LPCAT2: variants seen among roughly 807,000 people sequenced by gnomAD.
The protein encoded by LPCAT2 is lysophosphatidylcholine acyltransferase 2, also known as 1-AGP acyltransferase 11.
In LPCAT2, 58 loss-of-function variants were observed where a neutral mutation model predicts 64.7. The ratio of observed to expected loss-of-function variants is 0.90; its 90% confidence interval spans 0.73 to 1.12. The LOEUF (loss-of-function observed/expected upper bound fraction) is 1.12. Ranked by LOEUF, LPCAT2 falls within the 50% of genes most tolerant of loss-of-function variation. LPCAT2 has a pLI of 0.00. For synonymous variants in LPCAT2, 252 were observed against 245.3 expected, an observed-to-expected ratio of 1.03 and a Z score of -0.26; for missense variants, 579 against 669.8, an observed-to-expected ratio of 0.86 and a Z score of 1.50.
chr16:55,525,656 T>C lies in LPCAT2; in HGVS notation c.311+9T>C, dbSNP rs754670814. On this transcript the variant is annotated intron_variant, in intron 2 of 13. Coordinates refer to ENST00000262134, the MANE Select transcript of LPCAT2 (RefSeq NM_017839.5). ...ATAACTGGTTGGAGGAGGTAAGAAA[T>C]AATTTTGTCCAAAATATTAGGACAT... is the stretch of plus-strand genomic sequence containing the variant. 6.3e-7 allele frequency: 1 copy of C among 1,591,684 alleles called. No individual in the cohort carries two copies. Among genetic ancestry groups the C allele is most frequent in the South Asian group, 1.2e-5 (1 of 86,570 alleles).
intron 1 of LPCAT2, among the ~76,000 whole-genome samples, chr16:55,523,066 GT>G (rs1203344329): frequency 6.6e-6 from 1 of 151,622 alleles, no homozygotes; most frequent in Admixed American, 6.6e-5. Flanking sequence ...CAAAGGGCTT[GT>G]ATACATTTAT....
intron 13 of LPCAT2, 89 bp from the exon 14 acceptor site, chr16:55,582,825 A>G (rs1963901389): frequency 1.2e-6 from 1 of 810,188 alleles, no homozygotes; most frequent in Non-Finnish European, 2.0e-6. Context: ...ATTTTGTAAT[A>G]ATTGCATTAT....
intron 11 of LPCAT2, chr16:55,556,916 A>G (rs574728825): frequency 1.3e-5 from 2 of 152,368 alleles, no homozygotes; most frequent in African/African-American, 4.8e-5. Flanking sequence ...CTGATTGACT[A>G]ACTCATACTA....
Position 55,509,235 on chromosome 16 carries a change from C to A in LPCAT2, c.54C>A (p.Gly18=). ...AEVAATVPGA[G]VGNVGLRPPM... The stretch of plus-strand genomic sequence containing the variant: ...TGGCGGCCACAGTGCCAGGTGCCGG[C>A]GTCGGGAACGTGGGGCTGCGGCCGC... The change falls in exon 1 of 14, where the codon GGC becomes GGA. Residue 18 remains glycine, a synonymous_variant. Coordinates refer to ENST00000262134, the MANE Select transcript of LPCAT2 (RefSeq NM_017839.5). 6.8e-7 allele frequency: 1 copy of A among 1,470,854 alleles called. No homozygotes were observed. Among genetic ancestry groups the A allele is most frequent in the South Asian group, 1.3e-5 (1 of 74,770 alleles). The allele number at this position is 1,470,854 out of a possible 1,614,324, so 91.1% of individuals were successfully genotyped here.
At chr16:55,561,592 C>T (rs184618139) in intron 11 of LPCAT2, among the ~76,000 whole-genome samples, 1 of 151,290 alleles carries the variant, frequency 6.6e-6, no homozygotes, top group South Asian at 2.1e-4. Flanking sequence ...TGGATTTAAA[C>T]CACAGCAAAA....
chr16:55,518,061 A>G (rs1963038489), intron 1 of LPCAT2, among the ~76,000 whole-genome samples: 1 of 152,188 alleles, frequency 6.6e-6, no homozygotes, highest in Non-Finnish European at 1.5e-5. Flanking sequence ...AGGAATGCAC[A>G]AAAACACTTG....
chr16:55,533,689 A>G (rs1963286716), intron 6 of LPCAT2, among the ~76,000 whole-genome samples: 1 of 152,158 alleles, frequency 6.6e-6, no homozygotes, highest in Non-Finnish European at 1.5e-5. Context: ...CTGGGATTAC[A>G]GGCATGAGCC....
chr16:55,578,938 A>G, intron 12 of LPCAT2, 171 bp from the exon 13 acceptor site: 1 of 642,860 alleles, frequency 1.6e-6, no homozygotes, highest in Non-Finnish European at 2.7e-6. Flanking sequence ...GTCTCTCTCA[A>G]ACACCAAGCT....
intron 11 of LPCAT2, among the ~76,000 whole-genome samples, chr16:55,561,880 T>C (rs1963640325): frequency 6.6e-6 from 1 of 151,998 alleles, no homozygotes; most frequent in Admixed American, 6.6e-5. Context: ...AATCAGTTGT[T>C]GGAAAGTTTT....
At chr16:55,527,686 C>T (rs937716537) in intron 2 of LPCAT2, among the ~76,000 whole-genome samples, 7 of 152,062 alleles carry the variant, frequency 4.6e-5, no homozygotes, top group Non-Finnish European at 7.4e-5. Flanking sequence ...GATAAATTAA[C>T]TAATCTATAA....
chr16:55,532,344 A>G (rs1191983160), intron 5 of LPCAT2: 4 of 172,428 alleles, frequency 2.3e-5, no homozygotes, highest in Admixed American at 1.2e-4. Flanking sequence ...AAGTCAGTGA[A>G]TGCAGCTTTC....
intron 1 of LPCAT2, among the ~76,000 whole-genome samples, chr16:55,519,888 A>C (rs904978201): frequency 3.9e-5 from 6 of 152,312 alleles, no homozygotes; most frequent in Non-Finnish European, 8.8e-5. Flanking sequence ...GCTGACTAAA[A>C]GTACAAGAAG....
At chr16:55,580,113 C>T (rs1015847499) in intron 13 of LPCAT2, among the ~76,000 whole-genome samples, 2 of 152,166 alleles carry the variant, frequency 1.3e-5, no homozygotes. Context: ...TCTTTAATTA[C>T]TCTTTCCTTA....
intron 9 of LPCAT2, among the ~76,000 whole-genome samples, chr16:55,548,830 A>G (rs1244564876): frequency 6.6e-6 from 1 of 152,114 alleles, no homozygotes; most frequent in Non-Finnish European, 1.5e-5. Context: ...ATCTGTTTAA[A>G]CAGTACCCTC....
intron 4 of LPCAT2, among the ~76,000 whole-genome samples, chr16:55,530,502 G>A (rs1469206184): frequency 6.9e-6 from 1 of 145,342 alleles, no homozygotes; most frequent in South Asian, 2.2e-4. Context: ...TGGGGGGGGG[G>A]TAACATTTAC....
intron 13 of LPCAT2, among the ~76,000 whole-genome samples, chr16:55,582,129 A>T (rs1963893187): frequency 6.6e-6 from 1 of 152,186 alleles, no homozygotes; most frequent in African/African-American, 2.4e-5. Context: ...AAATACAGAA[A>T]ACTAAATAAA....
At chr16:55,530,366 G>T (rs73549558) in intron 4 of LPCAT2, among the ~76,000 whole-genome samples, 2 of 152,000 alleles carry the variant, frequency 1.3e-5, no homozygotes, top group African/African-American at 4.8e-5. Context: ...AAGTGATTAA[G>T]ATCTTTAATC....
At chr16:55,519,412 G>T (rs1470872089) in intron 1 of LPCAT2, among the ~76,000 whole-genome samples, 2 of 151,768 alleles carry the variant, frequency 1.3e-5, no homozygotes, top group Non-Finnish European at 2.9e-5. Flanking sequence ...GGGAGGCTGG[G>T]GCAGGAGAAT....
rs1963929621 is a variant in LPCAT2 at position 55,585,048 on chromosome 16, C to T, written c.*1950C>T. The T allele has an allele frequency of 6.6e-6, 1 of 152,152 alleles. No individual in the cohort carries two copies. The highest frequency in any genetic ancestry group is 1.5e-5 in the Non-Finnish European group (1 of 68,004). The allele number at this position is 152,152 out of a possible 1,614,324, so 9.4% of individuals were successfully genotyped here. ...TAAATTAAAGGTTTTCTTTGAGGCT[C>T]TTGAAAGTGATCCCATTGCTTTCCT... On this transcript the variant is annotated 3_prime_UTR_variant, in exon 14 of 14. Transcript: ENST00000262134.
Sources: allele counts gnomAD v4.1 joint callset (sites outside exome capture counted in the v4.1 genomes callset), GRCh38; gene constraint gnomAD v4.1.1; transcripts MANE v1.5; gene names NCBI Gene and HGNC (gene_info 2026-07-23, HGNC 2026-07-21).